The following HTR6 variants were observed in gnomAD, a reference collection of about 807,000 sequenced individuals.
The protein encoded by HTR6 is 5-hydroxytryptamine (serotonin) receptor 6, G protein-coupled.
HTR6 carries 15 observed loss-of-function variants against 17.4 expected under a neutral mutation model. The ratio of observed to expected loss-of-function variants is 0.86; its 90% CI spans 0.58 to 1.33. The LOEUF is 1.33. HTR6 is among the 40% of genes most tolerant of loss of function. HTR6 has a pLI of 0.00. For synonymous variants in HTR6, 326 were observed against 295.5 expected, an observed-to-expected ratio of 1.10 and a Z score of -1.06; for missense variants, 578 against 616.0, an observed-to-expected ratio of 0.94 and a Z score of 0.65.
Position 19,679,229 on chromosome 1 carries a change from C to A in HTR6, c.1184C>A (p.Thr395Lys), listed in dbSNP as rs200873870. ...GSGGSSGLRL[T>K]AQLLLPGEAT... Reference sequence around the variant, plus strand: ...GGCGGCTCCTCGGGCCTGCGGCTCACGGCCCAGCTGCTGCTTCCTGGCGAG... The same window carrying A: ...GGCGGCTCCTCGGGCCTGCGGCTCAAGGCCCAGCTGCTGCTTCCTGGCGAG... Residue 395 changes from threonine (T) to lysine (K), a missense_variant, in exon 3 of 3, where the codon ACG (threonine) becomes AAG (lysine). Transcript: ENST00000289753. This position sits in a 1 kb window ranked among gnomAD's most constrained non-coding sequence, Gnocchi z 4.9. 6.4e-7 allele frequency: 1 copy of A among 1,573,008 alleles called. No individual in the cohort carries two copies. Among genetic ancestry groups the A allele is most frequent in the South Asian group, 1.1e-5 (1 of 87,034 alleles).
Position 19,679,584 on chromosome 1 carries a change from C to T in HTR6, c.*216C>T, listed in dbSNP as rs147684102. 1.4e-5 allele frequency: 9 copies of T among 647,258 alleles called. No homozygotes were observed. The highest frequency in any genetic ancestry group is 2.0e-5 in the Non-Finnish European group (8 of 399,590). The allele number at this position is 647,258 out of a possible 1,614,324, so 40.1% of individuals were successfully genotyped here. On this transcript the variant is annotated 3_prime_UTR_variant, in exon 3 of 3. Transcript: ENST00000289753. The surrounding 1 kb of genome is among the most constrained non-coding windows in gnomAD (Gnocchi z 4.9). ...CAGATATCGTGTTCTGAAGGATGCT[C>T]CACTGTTGAGTGTAACTTGTGTGTG...
chr1:19,674,435 C>T (rs1447371112), intron 1 of HTR6, among the ~76,000 whole-genome samples: 1 of 133,150 alleles, frequency 7.5e-6, no homozygotes, highest in Admixed American at 7.8e-5. Flanking sequence ...GAGACAAACT[C>T]TCACTCTGTC....
In HTR6 at chr1:19,666,215, C is replaced by T. The variant is rs56027618; in HGVS notation, c.462C>T (p.Ala154=). 8,553 of 1,609,212 alleles carry T rather than the reference C, an allele frequency of 5.3e-3. 35 individuals carry two copies. The highest frequency in any genetic ancestry group is 6.7e-3 in the Non-Finnish European group (7,952 of 1,179,640). The part of the protein sequence containing the change: ...LALVLGAWSL[A]ALASFLPLLL... ...TAGTCCTGGGCGCCTGGAGCCTCGC[C>T]GCTCTCGCCTCCTTCCTGCCCCTGC... Residue 154 remains alanine (A), a synonymous_variant, in exon 1 of 3, where the codon GCC becomes GCT. Coordinates refer to ENST00000289753, the MANE Select transcript of HTR6 (RefSeq NM_000871.3). This position sits in a 1 kb window ranked among gnomAD's most constrained non-coding sequence, Gnocchi z 4.5.
intron 1 of HTR6, among the ~76,000 whole-genome samples, chr1:19,673,133 G>A (rs982877797): frequency 5.9e-5 from 9 of 152,218 alleles, no homozygotes; most frequent in Non-Finnish European, 1.2e-4. Context: ...CTGAGCCAGA[G>A]ACTAATAATA....
intron 1 of HTR6, among the ~76,000 whole-genome samples, chr1:19,670,655 G>T (rs937976694): frequency 1.3e-5 from 2 of 152,028 alleles, no homozygotes; most frequent in Non-Finnish European, 2.9e-5. Flanking sequence ...GTAGAGATGG[G>T]GTTTCACTGT....
Position 19,665,899 on chromosome 1 carries a change from C to T in HTR6, c.146C>T (p.Ala49Val), listed in dbSNP as rs771788727. The change falls in exon 1 of 3, where the codon GCG becomes GTG. Residue 49 changes from alanine (A) to valine (V), a missense_variant. Transcript: ENST00000289753. The surrounding 1 kb of genome is among the most constrained non-coding windows in gnomAD (Gnocchi z 4.2). ...LTAAANSLLI[A>V]LICTQPALRN... ...GCGGCGGCCAACTCGCTGCTGATCG[C>T]GCTCATCTGCACTCAGCCCGCGCTG... 5.0e-6 allele frequency: 8 copies of T among 1,611,748 alleles called. No homozygotes were observed. The highest frequency in any genetic ancestry group is 5.9e-6 in the Non-Finnish European group (7 of 1,179,276).
intron 1 of HTR6, among the ~76,000 whole-genome samples, chr1:19,675,707 T>A (rs1450665492): frequency 6.6e-6 from 1 of 151,932 alleles, no homozygotes; most frequent in Non-Finnish European, 1.5e-5. Flanking sequence ...TCACTAAGGG[T>A]CAGAGCGATG....
At chr1:19,674,396 C>T (rs1274341406) in intron 1 of HTR6, among the ~76,000 whole-genome samples, 1 of 150,178 alleles carries the variant, frequency 6.7e-6, no homozygotes, top group African/African-American at 2.5e-5. Context: ...TTTATTTAAG[C>T]CACTCTTCTC....
chr1:19,665,801 G>C lies in HTR6; in HGVS notation c.48G>C (p.Gly16=). The change falls in exon 1 of 3, where the codon GGG becomes GGC. Residue 16 remains glycine, a synonymous_variant. Transcript: ENST00000289753. The surrounding 1 kb of genome is among the most constrained non-coding windows in gnomAD (Gnocchi z 4.2). ...GPTANSTPAW[G]AGPPSAPGGS... ...CCGCCAATAGCACCCCGGCCTGGGG[G>C]GCAGGGCCGCCGTCGGCCCCGGGGG... 6.6e-7 allele frequency: 1 copy of C among 1,525,858 alleles called. No homozygotes were observed. Among genetic ancestry groups the C allele is most frequent in the Non-Finnish European group, 8.7e-7 (1 of 1,144,892 alleles). 94.5% of individuals were successfully genotyped at this position (1,525,858 alleles called of 1,614,324 possible).
chr1:19,665,665 G>A lies in HTR6; in HGVS notation c.-89G>A. 4 of 878,328 alleles carry A rather than the reference G, an allele frequency of 4.6e-6. No individual in the cohort carries two copies. Among genetic ancestry groups the A allele is most frequent in the South Asian group, 4.0e-5 (2 of 49,946 alleles). 54.4% of individuals were successfully genotyped at this position (878,328 alleles called of 1,614,324 possible). A position where few individuals can be genotyped will look rare whatever the true frequency, so the allele number is the denominator to read the frequency against. Reference sequence around the variant, plus strand: ...TGGTGAGTCGCGGTCTGTTCTCACGGACGGTCCCCGTCCAGCCTGCGCTTC... The same window carrying A: ...TGGTGAGTCGCGGTCTGTTCTCACGAACGGTCCCCGTCCAGCCTGCGCTTC... On this transcript the variant is annotated 5_prime_UTR_variant, in exon 1 of 3. Transcript: ENST00000289753. The surrounding 1 kb of genome is among the most constrained non-coding windows in gnomAD (Gnocchi z 4.2).
rs1315333760 is a variant in HTR6 at position 19,665,911 on chromosome 1, C to T, written c.158C>T (p.Thr53Ile). The change falls in exon 1 of 3, where the codon ACT (threonine) becomes ATT (isoleucine). Residue 53 changes from threonine (T) to isoleucine (I), a missense_variant. Transcript: ENST00000289753. This position sits in a 1 kb window ranked among gnomAD's most constrained non-coding sequence, Gnocchi z 4.2. Reference sequence around the variant, plus strand: ...TCGCTGCTGATCGCGCTCATCTGCACTCAGCCCGCGCTGCGCAACACGTCC... The same window carrying T: ...TCGCTGCTGATCGCGCTCATCTGCATTCAGCCCGCGCTGCGCAACACGTCC... ...ANSLLIALIC[T>I]QPALRNTSNF... The T allele has an allele frequency of 6.2e-6, 10 of 1,612,862 alleles. No homozygotes were observed. The highest frequency in any genetic ancestry group is 8.5e-6 in the Non-Finnish European group (10 of 1,179,710).
chr1:19,673,943 T>C (rs2095091299), intron 1 of HTR6, among the ~76,000 whole-genome samples: 1 of 149,902 alleles, frequency 6.7e-6, no homozygotes, highest in Non-Finnish European at 1.5e-5. Context: ...CACGGCTCAC[T>C]GCAGCCTTGA....
intron 1 of HTR6, among the ~76,000 whole-genome samples, chr1:19,671,816 G>T (rs1349123834): frequency 6.6e-6 from 1 of 152,094 alleles, no homozygotes; most frequent in African/African-American, 2.4e-5. Context: ...TTATGGAAAT[G>T]GGCTTTTAAA....
Position 19,665,897 on chromosome 1 carries a change from C to A in HTR6, c.144C>A (p.Ile48=). ...CGGCGGCGGCCAACTCGCTGCTGATCGCGCTCATCTGCACTCAGCCCGCGC... is the reference window on the plus strand; with the variant it reads ...CGGCGGCGGCCAACTCGCTGCTGATAGCGCTCATCTGCACTCAGCCCGCGC... ...ALTAAANSLL[I]ALICTQPALR... is the part of the protein sequence containing the mutation. The change falls in exon 1 of 3, where the codon ATC becomes ATA. Residue 48 remains isoleucine (I), a synonymous_variant. Coordinates refer to ENST00000289753, the MANE Select transcript of HTR6 (RefSeq NM_000871.3). The surrounding 1 kb of genome is among the most constrained non-coding windows in gnomAD (Gnocchi z 4.2). 1 of 1,611,338 alleles carries A rather than the reference C, an allele frequency of 6.2e-7. No individual in the cohort carries two copies.
In HTR6 at chr1:19,665,768, G is replaced by T. The variant is rs1300976368; in HGVS notation, c.15G>T (p.Pro5=). The T allele has an allele frequency of 6.7e-7, 1 of 1,488,924 alleles. No individual in the cohort carries two copies. The highest frequency in any genetic ancestry group is 1.5e-5 in the African/African-American group (1 of 68,142). 92.2% of individuals were successfully genotyped at this position (1,488,924 alleles called of 1,614,324 possible). MVPE[P]GPTANSTPAW... ...CCTCGGTCCTCATGGTCCCAGAGCC[G>T]GGCCCAACCGCCAATAGCACCCCGG... The change falls in exon 1 of 3, where the codon CCG becomes CCT. Residue 5 remains proline, a synonymous_variant. Transcript: ENST00000289753. The surrounding 1 kb of genome is among the most constrained non-coding windows in gnomAD (Gnocchi z 4.2).
chr1:19,672,961 C>A lies in HTR6; in HGVS notation c.715-5606C>A, dbSNP rs539983247. ...GGTGAGAGGATTGCTTGAGCCCAGG[C>A]AACAGAGCAAGACCCCATCTTTAAA... is the stretch of plus-strand genomic sequence containing the variant. On this transcript the variant is annotated intron_variant, in intron 1 of 2. Coordinates refer to ENST00000289753, the MANE Select transcript of HTR6 (RefSeq NM_000871.3). 8.4e-4 allele frequency among the ~76,000 whole-genome samples: 128 copies of A among 152,226 alleles called. 1 individual carries two copies. The highest frequency in any genetic ancestry group is 2.9e-3 in the African/African-American group (121 of 41,532).
At chr1:19,672,666 C>T (rs1034515448) in intron 1 of HTR6, among the ~76,000 whole-genome samples, 6 of 152,168 alleles carry the variant, frequency 3.9e-5, no homozygotes, top group African/African-American at 1.4e-4. Flanking sequence ...GGGGTCATGA[C>T]ATCTATCACA....
At chr1:19,678,042 T>C (rs2095096536) in intron 1 of HTR6, among the ~76,000 whole-genome samples, 1 of 152,182 alleles carries the variant, frequency 6.6e-6, no homozygotes, top group Non-Finnish European at 1.5e-5. Context: ...GCCCAGTCAA[T>C]TGCAATTGAT....
At chr1:19,677,218 T>TTGTG (rs10582325) in intron 1 of HTR6, among the ~76,000 whole-genome samples, 1,865 of 148,544 alleles carry the variant, frequency 0.013, 18 homozygotes, top group South Asian at 0.024. Context: ...GGGGAGAGGT[T>TTGTG]TGTGTGTGTG....
Sources: allele counts gnomAD v4.1 joint callset (sites outside exome capture counted in the v4.1 genomes callset), GRCh38; gene constraint gnomAD v4.1.1; non-coding constraint Gnocchi (gnomAD v3.1); transcripts MANE v1.5; gene names NCBI Gene and HGNC (gene_info 2026-07-23, HGNC 2026-07-21).